Variants in PAX5 observed in about 807,000 individuals in gnomAD.
PAX5 encodes paired box protein Pax-5.
PAX5 carries 9 observed loss-of-function variants against 43.7 expected under a neutral mutation model. The observed-to-expected ratio is 0.21, with a 90% CI of 0.12 to 0.36. The LOEUF (loss-of-function observed/expected upper bound fraction) is 0.36. Among genes scored for constraint, PAX5 ranks in the 10% least tolerant of loss-of-function variants. The probability of loss-of-function intolerance (pLI) is 1.00; values close to 1 mark genes in which losing one functional copy is unlikely to be tolerated. For synonymous variants in PAX5, 228 were observed against 214.3 expected (o/e 1.06, Z -0.56); for missense variants, 383 against 532.7 (o/e 0.72, Z 2.77).
intron 8 of PAX5, among the ~76,000 whole-genome samples, chr9:36,852,751 G>C (rs981016356): frequency 6.6e-6 from 1 of 152,182 alleles, no homozygotes; most frequent in African/African-American, 2.4e-5. Context: ...TTACCAACCT[G>C]TGCCATCACT....
chr9:37,031,924 G>A (rs1841023383), intron 1 of PAX5, among the ~76,000 whole-genome samples: 1 of 152,250 alleles, frequency 6.6e-6, no homozygotes, highest in Non-Finnish European at 1.5e-5. Flanking sequence ...GGAGAAGGAA[G>A]AAGCTCTCAT....
At chr9:36,888,848 C>G (rs970108353) in intron 7 of PAX5, among the ~76,000 whole-genome samples, 1 of 152,168 alleles carries the variant, frequency 6.6e-6, no homozygotes, top group Non-Finnish European at 1.5e-5. Context: ...CAGGCTCCCC[C>G]GTTGCCTCCA....
At chr9:36,862,683 C>T (rs1172657314) in intron 8 of PAX5, among the ~76,000 whole-genome samples, 1 of 152,124 alleles carries the variant, frequency 6.6e-6, no homozygotes. Flanking sequence ...TGGGTTCAGC[C>T]CTGCCCAGGT....
chr9:36,976,434 G>T (rs1040148266), intron 5 of PAX5, among the ~76,000 whole-genome samples: 4 of 152,196 alleles, frequency 2.6e-5, no homozygotes, highest in African/African-American at 4.8e-5. Flanking sequence ...CAAGGTAAGA[G>T]ATGGGATTCC....
At chr9:36,910,122 A>T (rs945492895) in intron 7 of PAX5, among the ~76,000 whole-genome samples, 1 of 152,134 alleles carries the variant, frequency 6.6e-6, no homozygotes, top group Non-Finnish European at 1.5e-5. Flanking sequence ...TAACTTTTTG[A>T]TAGCCGATAT....
chr9:36,872,343 G>A (rs1825566085), intron 8 of PAX5, among the ~76,000 whole-genome samples: 1 of 152,222 alleles, frequency 6.6e-6, no homozygotes, highest in African/African-American at 2.4e-5. Context: ...GCAGGGCTTA[G>A]GGAGCCCTCC....
chr9:36,928,743 G>C (rs182758895), intron 6 of PAX5, among the ~76,000 whole-genome samples: 2 of 152,208 alleles, frequency 1.3e-5, no homozygotes, highest in Non-Finnish European at 2.9e-5. Context: ...AAAGCCCCTG[G>C]GTGGTGCTTT....
chr9:36,996,784 C>A (rs978373807), intron 5 of PAX5, among the ~76,000 whole-genome samples: 1 of 151,840 alleles, frequency 6.6e-6, no homozygotes, highest in East Asian at 1.9e-4. Context: ...GCTGAGGGGG[C>A]GTCCAGCCTG....
chr9:37,011,899 C>T (rs938570335), intron 3 of PAX5, among the ~76,000 whole-genome samples: 3 of 152,178 alleles, frequency 2.0e-5, no homozygotes, highest in African/African-American at 7.2e-5. Context: ...GACCCTCTTA[C>T]ACAGTGTCAT....
At chr9:36,852,548 G>A (rs571476889) in intron 8 of PAX5, among the ~76,000 whole-genome samples, 3 of 152,212 alleles carry the variant, frequency 2.0e-5, no homozygotes, top group Non-Finnish European at 2.9e-5. Context: ...GAGCAGCTCC[G>A]AGGCCATGGC....
chr9:36,977,521 GT>G (rs1016675650), intron 5 of PAX5, among the ~76,000 whole-genome samples: 189 of 151,786 alleles, frequency 1.2e-3, no homozygotes, highest in Non-Finnish European at 1.1e-3. Context: ...TTTTTTTGGG[GT>G]TTTTTTGTTT....
intron 7 of PAX5, among the ~76,000 whole-genome samples, chr9:36,889,545 C>T (rs974418131): frequency 5.3e-5 from 8 of 152,216 alleles, no homozygotes; most frequent in African/African-American, 1.9e-4. Flanking sequence ...TGCCCAAGTT[C>T]CCACAGCTAG....
At chr9:36,931,566 T>C (rs1289832159) in intron 6 of PAX5, among the ~76,000 whole-genome samples, 3 of 151,858 alleles carry the variant, frequency 2.0e-5, no homozygotes, top group South Asian at 2.1e-4. Flanking sequence ...ACAAAAAACA[T>C]GGCCAGGCGC....
intron 8 of PAX5, among the ~76,000 whole-genome samples, chr9:36,880,871 C>G (rs1244139789): frequency 1.3e-5 from 2 of 152,210 alleles, no homozygotes; most frequent in Non-Finnish European, 2.9e-5. Context: ...AGCCACTGTG[C>G]CCGGCCCAGT....
intron 5 of PAX5, among the ~76,000 whole-genome samples, chr9:36,972,593 A>G (rs116088139): frequency 0.014 from 2,096 of 152,286 alleles, 45 homozygotes; most frequent in African/African-American, 0.048. Flanking sequence ...GAGCCAACCA[A>G]GGGGATCCCA....
intron 8 of PAX5, among the ~76,000 whole-genome samples, chr9:36,862,488 T>C (rs1408513023): frequency 1.3e-5 from 2 of 152,152 alleles, no homozygotes; most frequent in African/African-American, 2.4e-5. Context: ...TGGCAGATCA[T>C]GTTCTCTCCA....
At chr9:37,024,034 G>C (rs1402609853) in intron 1 of PAX5, among the ~76,000 whole-genome samples, 2 of 152,122 alleles carry the variant, frequency 1.3e-5, no homozygotes, top group Non-Finnish European at 2.9e-5. Context: ...TTGTCAGATG[G>C]TCAGGGAGAC....
chr9:36,968,110 G>A (rs1333159601), intron 5 of PAX5, among the ~76,000 whole-genome samples: 1 of 152,212 alleles, frequency 6.6e-6, no homozygotes, highest in African/African-American at 2.4e-5. Flanking sequence ...GAGGCTTCTT[G>A]AAACCCAGGC....
chr9:37,022,200 G>A (rs556733767), intron 1 of PAX5, among the ~76,000 whole-genome samples: 2 of 152,238 alleles, frequency 1.3e-5, no homozygotes, highest in South Asian at 2.1e-4. Flanking sequence ...GATAACTGAA[G>A]TACTTAGTTG....
Sources: gnomAD v4.1 joint callset for allele counts (sites outside exome capture counted in the v4.1 genomes callset) on GRCh38, gnomAD v4.1.1 for gene constraint, MANE v1.5 for transcripts, NCBI Gene and HGNC (gene_info 2026-07-23, HGNC 2026-07-21) for gene names.